TOR4A: variants seen among roughly 807,000 people sequenced by gnomAD.
TOR4A encodes torsin-4A.
TOR4A carries 12 observed loss-of-function variants against 11.5 expected under a neutral mutation model. That is an observed-to-expected ratio of 1.04 (90% CI 0.67 to 1.69). The LOEUF is 1.69. TOR4A is among the 40% of genes most tolerant of loss of function. TOR4A has a pLI of 0.00. For missense variants in TOR4A, 640 were observed against 643.2 expected (o/e 0.99, Z 0.05); for synonymous variants, 362 against 307.4 (o/e 1.18, Z -1.86).
In TOR4A at chr9:137,279,616, C is replaced by G. The variant is rs998242173; in HGVS notation, c.927C>G (p.Arg309=). 3.8e-6 allele frequency: 6 copies of G among 1,565,384 alleles called. No homozygotes were observed. The highest frequency in any genetic ancestry group is 4.3e-6 in the Non-Finnish European group (5 of 1,160,204). The change falls in exon 2 of 2, where the codon CGC becomes CGG. Residue 309 remains arginine (R), a synonymous_variant. Transcript: ENST00000357503. ...GCGCGGGTGGCGCCGAGGTCACGCG[C>G]TTCGTGCTGCAGAACGCGTCCCGCG... ...LSGAGGAEVT[R]FVLQNASRAL... is the part of the protein sequence containing the mutation.
At position 137,280,146 on chromosome 9, in the gene TOR4A, G is replaced by C. The variant is rs2119002127; in HGVS notation, c.*185G>C. 2.8e-6 allele frequency: 2 copies of C among 706,102 alleles called. No individual in the cohort carries two copies. The highest frequency in any genetic ancestry group is 5.5e-5 in the East Asian group (2 of 36,382). The allele number at this position is 706,102 out of a possible 1,614,324, so 43.7% of individuals were successfully genotyped here. A position where few individuals can be genotyped will look rare whatever the true frequency, so the allele number is the denominator to read the frequency against. ...CCTCAGAGTCCGGAGTCTGTCCCTG[G>C]GGGCGGCAGGACAGCAGCCACCTCC... On this transcript the variant is annotated 3_prime_UTR_variant, in exon 2 of 2. Coordinates refer to ENST00000357503, the MANE Select transcript of TOR4A (RefSeq NM_017723.3).
chr9:137,281,018 C>T lies in TOR4A; in HGVS notation c.*1057C>T, dbSNP rs912850920. On this transcript the variant is annotated 3_prime_UTR_variant, in exon 2 of 2. Transcript: ENST00000357503. ...GACGCACCCGGCAGCCCCGCTGCTG[C>T]CGCCTTGTGGCGCGCCCGGCCCAGC... 1 of 166,506 alleles carries T rather than the reference C, an allele frequency of 6.0e-6. No homozygotes were observed. 10.3% of individuals were successfully genotyped at this position (166,506 alleles called of 1,614,324 possible). A position where few individuals can be genotyped will look rare whatever the true frequency, so the allele number is the denominator to read the frequency against.
chr9:137,278,704 G>A lies in TOR4A; in HGVS notation c.15G>A (p.Gln5=). The change falls in exon 2 of 2, where the codon CAG becomes CAA. Residue 5 remains glutamine (Q), a synonymous_variant. Transcript: ENST00000357503. ...GTTCCTGCGACATGGACCGCGGCCAGCCCAGCCTGGAGCCTGCTGCCGCGG... is the reference window on the plus strand; with the variant it reads ...GTTCCTGCGACATGGACCGCGGCCAACCCAGCCTGGAGCCTGCTGCCGCGG... The part of the protein sequence containing the change: MDRG[Q]PSLEPAAAAP... 2 of 1,361,982 alleles carry A rather than the reference G, an allele frequency of 1.5e-6. No individual in the cohort carries two copies. The highest frequency in any genetic ancestry group is 9.4e-7 in the Non-Finnish European group (1 of 1,063,450). The allele number at this position is 1,361,982 out of a possible 1,614,324, so 84.4% of individuals were successfully genotyped here.
chr9:137,278,312 G>C (rs942150571), intron 1 of TOR4A, among the ~76,000 whole-genome samples: 2 of 152,154 alleles, frequency 1.3e-5, no homozygotes, highest in Admixed American at 6.5e-5. Context: ...CCCAGTGGGC[G>C]CCTGGGCGGC....
chr9:137,278,506 C>T, intron 1 of TOR4A, 147 bp from the exon 2 acceptor site: 2 of 465,904 alleles, frequency 4.3e-6, no homozygotes, highest in Non-Finnish European at 6.8e-6. Context: ...GGGGCGAGGC[C>T]GCGACCAGGC....
Position 137,279,269 on chromosome 9 carries a change from G to T in TOR4A, c.580G>T (p.Gly194Trp). ...TCGTCCGCTCCTCCTGGCGCTGCACGGGCCCAGTGGCGTGGGCAAGAGCCA... is the reference window on the plus strand; with the variant it reads ...TCGTCCGCTCCTCCTGGCGCTGCACTGGCCCAGTGGCGTGGGCAAGAGCCA... ...HSRPLLLALHGPSGVGKSHVG... is the reference protein window; with the variant it reads ...HSRPLLLALHWPSGVGKSHVG... The change falls in exon 2 of 2, where the codon GGG becomes TGG. Residue 194 changes from glycine (G) to tryptophan (W), a missense_variant. Physicochemically the swap from Gly to Trp is radical, Grantham distance 184. Coordinates refer to ENST00000357503, the MANE Select transcript of TOR4A (RefSeq NM_017723.3). The T allele has an allele frequency of 1.3e-6, 2 of 1,534,904 alleles. No individual in the cohort carries two copies. The highest frequency in any genetic ancestry group is 8.7e-7 in the Non-Finnish European group (1 of 1,144,302).
rs548607886 is a variant in TOR4A, at chr9:137,278,591, G to C, written c.-37-62G>C. ...TAAGATCACTCCGGGGACCGGTTCC[G>C]GCGGCCCGCGGGAAAGGGCAGTGGC... is the stretch of plus-strand genomic sequence containing the variant. On this transcript the variant is annotated intron_variant, in intron 1 of 1. Coordinates refer to ENST00000357503, the MANE Select transcript of TOR4A (RefSeq NM_017723.3). 5.4e-4 allele frequency: 607 copies of C among 1,131,264 alleles called. 3 individuals are homozygous for C. The African/African-American group carries it at 8.0e-3, about 15-fold the overall frequency. 70.1% of individuals were successfully genotyped at this position (1,131,264 alleles called of 1,614,324 possible).
Position 137,280,322 on chromosome 9 carries a change from T to C in TOR4A, c.*361T>C, listed in dbSNP as rs1671436016. 7 of 304,440 alleles carry C rather than the reference T, an allele frequency of 2.3e-5. No individual in the cohort carries two copies. The highest frequency in any genetic ancestry group is 4.5e-5 in the Non-Finnish European group (7 of 154,324). 18.9% of individuals were successfully genotyped at this position (304,440 alleles called of 1,614,324 possible). A position where few individuals can be genotyped will look rare whatever the true frequency, so the allele number is the denominator to read the frequency against. ...CACAGCTGGGACGTGACCCCGCCTC[T>C]TGGGGGTGGTCGCGTGTTGCTCAGT... On this transcript the variant is annotated 3_prime_UTR_variant, in exon 2 of 2. Transcript: ENST00000357503.
At position 137,278,731 on chromosome 9, in the gene TOR4A, C is replaced by G. The variant is rs1272512216; in HGVS notation, c.42C>G (p.Ala14=). 3 of 1,379,242 alleles carry G rather than the reference C, an allele frequency of 2.2e-6. No individual in the cohort carries two copies. Among genetic ancestry groups the G allele is most frequent in the Admixed American group, 3.6e-5 (1 of 28,124 alleles). 85.4% of individuals were successfully genotyped at this position (1,379,242 alleles called of 1,614,324 possible). ...GQPSLEPAAA[A]PRASGRCVIA... The stretch of plus-strand genomic sequence containing the variant: ...CCAGCCTGGAGCCTGCTGCCGCGGC[C>G]CCCCGAGCCTCGGGCCGGTGCGTGA... The change falls in exon 2 of 2, where the codon GCC becomes GCG. Residue 14 remains alanine (A), a synonymous_variant. Transcript: ENST00000357503.
Position 137,279,340 on chromosome 9 carries a change from C to T in TOR4A, c.651C>T (p.Asp217=). Residue 217 remains aspartate (D), a synonymous_variant, in exon 2 of 2, where the codon GAC becomes GAT. Transcript: ENST00000357503. The part of the protein sequence containing the change: ...LARHFRSVLE[D]SALVLQYHAR... ...GCCACTTCCGCTCGGTGCTGGAGGA[C>T]AGCGCGCTCGTGCTGCAATACCATG... 1 of 1,532,554 alleles carries T rather than the reference C, an allele frequency of 6.5e-7. No homozygotes were observed. The highest frequency in any genetic ancestry group is 8.7e-7 in the Non-Finnish European group (1 of 1,143,912). The allele number at this position is 1,532,554 out of a possible 1,614,324, so 94.9% of individuals were successfully genotyped here.
rs983915847 is a variant in TOR4A, at chr9:137,281,372, G to T, written c.*1411G>T. On this transcript the variant is annotated 3_prime_UTR_variant, in exon 2 of 2. Coordinates refer to ENST00000357503, the MANE Select transcript of TOR4A (RefSeq NM_017723.3). ...GAGGCCTGAACTCAGCCCGGAGACC[G>T]CGCCCACCAGCGCCGGTGTCCCCGG... The T allele has an allele frequency of 6.4e-6, 1 of 155,236 alleles. No individual in the cohort carries two copies. The highest frequency in any genetic ancestry group is 1.5e-5 in the Non-Finnish European group (1 of 68,054). 9.6% of individuals were successfully genotyped at this position (155,236 alleles called of 1,614,324 possible). A position where few individuals can be genotyped will look rare whatever the true frequency, so the allele number is the denominator to read the frequency against.
In TOR4A at chr9:137,278,943, T is replaced by C. The variant is rs1319336346; in HGVS notation, c.254T>C (p.Leu85Pro). The C allele has an allele frequency of 3.1e-6, 5 of 1,601,262 alleles. No homozygotes were observed. Among genetic ancestry groups the C allele is most frequent in the Admixed American group, 1.7e-5 (1 of 59,520 alleles). The change falls in exon 2 of 2, where the codon CTA becomes CCA. Residue 85 changes from leucine to proline, a missense_variant. Physicochemically the swap from Leu to Pro is moderately conservative, Grantham distance 98. Coordinates refer to ENST00000357503, the MANE Select transcript of TOR4A (RefSeq NM_017723.3). Reference protein sequence around the residue: ...KFFTFDSPAELPSRTPRKKRR... With the variant: ...KFFTFDSPAEPPSRTPRKKRR... ...TTCACCTTCGACAGCCCCGCGGAGC[T>C]ACCCTCCAGGACGCCACGCAAGAAG...
Position 137,279,189 on chromosome 9 carries a change from C to T in TOR4A, c.500C>T (p.Ala167Val), listed in dbSNP as rs926248774. The T allele has an allele frequency of 1.3e-6, 2 of 1,555,776 alleles. No homozygotes were observed. Among genetic ancestry groups the T allele is most frequent in the Non-Finnish European group, 1.7e-6 (2 of 1,150,160 alleles). Residue 167 changes from alanine (A) to valine (V), a missense_variant, in exon 2 of 2, where the codon GCC (alanine) becomes GTC (valine). Ala to Val is a moderately conservative substitution (Grantham distance 64, BLOSUM62 0). Transcript: ENST00000357503. ...CGCGCGGTGTTCGGCCAGCCCGCTG[C>T]CGTATCGCGCATCGTGGCGCTGATG... is the stretch of plus-strand genomic sequence containing the variant. The part of the protein sequence containing the change: ...LQRAVFGQPA[A>V]VSRIVALMRD...
chr9:137,281,756 C>G lies in TOR4A; in HGVS notation c.*1795C>G, dbSNP rs1465943106. 1.2e-5 allele frequency: 2 copies of G among 162,340 alleles called. No homozygotes were observed. Among genetic ancestry groups the G allele is most frequent in the Non-Finnish European group, 2.9e-5 (2 of 68,378 alleles). 10.1% of individuals were successfully genotyped at this position (162,340 alleles called of 1,614,324 possible). ...GGGGCTACCAGGAAACCTTTGCCTC[C>G]TGGGGCTGTGCAGGACCGGCTAGCC... is the stretch of plus-strand genomic sequence containing the variant. On this transcript the variant is annotated 3_prime_UTR_variant, in exon 2 of 2. Coordinates refer to ENST00000357503, the MANE Select transcript of TOR4A (RefSeq NM_017723.3).
Position 137,279,879 on chromosome 9 carries a change from A to T in TOR4A, c.1190A>T (p.Gln397Leu), listed in dbSNP as rs1588195458. The change falls in exon 2 of 2, where the codon CAG becomes CTG. Residue 397 changes from glutamine to leucine, a missense_variant. Physicochemically the swap from Gln to Leu is moderately radical, Grantham distance 113 (BLOSUM62 -2). Transcript: ENST00000357503. ...GCCCGCGCGGAGAACCTGGCCGCGCAGCTCAGCTTCTACCGCGTGGCTGGC... is the reference window on the plus strand; with the variant it reads ...GCCCGCGCGGAGAACCTGGCCGCGCTGCTCAGCTTCTACCGCGTGGCTGGC... ...DQARAENLAAQLSFYRVAGRE... is the reference protein window; with the variant it reads ...DQARAENLAALLSFYRVAGRE... The T allele has an allele frequency of 5.7e-6, 9 of 1,583,076 alleles. No homozygotes were observed. The highest frequency in any genetic ancestry group is 7.7e-6 in the Non-Finnish European group (9 of 1,167,856).
At position 137,280,016 on chromosome 9, in the gene TOR4A, G is replaced by A; in HGVS notation, c.*55G>A. The A allele has an allele frequency of 6.7e-7, 1 of 1,497,890 alleles. No homozygotes were observed. The highest frequency in any genetic ancestry group is 1.4e-5 in the African/African-American group (1 of 72,086). 92.8% of individuals were successfully genotyped at this position (1,497,890 alleles called of 1,614,324 possible). On this transcript the variant is annotated 3_prime_UTR_variant, in exon 2 of 2. Coordinates refer to ENST00000357503, the MANE Select transcript of TOR4A (RefSeq NM_017723.3). ...ATGGCGGCAGTAGGAGGGCGACCAG[G>A]GACCTTGTGGGCTGGTGCAGGCCCC...
rs186114721 is a variant in TOR4A at position 137,278,782 on chromosome 9, C to T, written c.93C>T (p.Arg31=). The T allele has an allele frequency of 7.1e-3, 10,322 of 1,445,728 alleles. 51 individuals carry two copies. Among genetic ancestry groups the T allele is most frequent in the Non-Finnish European group, 8.7e-3 (9,723 of 1,111,216 alleles). 89.6% of individuals were successfully genotyped at this position (1,445,728 alleles called of 1,614,324 possible). Residue 31 remains arginine (R), a synonymous_variant, in exon 2 of 2, where the codon CGC becomes CGT. Transcript: ENST00000357503. ...TCGCGCCCGTGCGCGCTGTGCTCCG[C>T]CTGCGCCGCCGGGTGTGTGTCCTAC... ...CVIAPVRAVL[R]LRRRVCVLRK...
rs763469220 is a variant in TOR4A, at chr9:137,278,834, G to C, written c.145G>C (p.Gly49Arg). Residue 49 changes from glycine (G) to arginine (R), a missense_variant, in exon 2 of 2, where the codon GGG (glycine) becomes CGG (arginine). Gly to Arg is a moderately radical substitution (Grantham distance 125). Transcript: ENST00000357503. Reference sequence around the variant, plus strand: ...CAAACGGCGCCTCCTGCAGCCGGGTGGGGGGCCCGACGTCGGGACCGGGGC... The same window carrying C: ...CAAACGGCGCCTCCTGCAGCCGGGTCGGGGGCCCGACGTCGGGACCGGGGC... ...LRKRRLLQPGGGPDVGTGAPR... is the reference protein window; with the variant it reads ...LRKRRLLQPGRGPDVGTGAPR... 12 of 1,495,914 alleles carry C rather than the reference G, an allele frequency of 8.0e-6. No homozygotes were observed. In the South Asian group the frequency reaches 1.5e-4, roughly 19 times the overall value. The allele number at this position is 1,495,914 out of a possible 1,614,324, so 92.7% of individuals were successfully genotyped here. A position where few individuals can be genotyped will look rare whatever the true frequency, so the allele number is the denominator to read the frequency against.
In TOR4A at chr9:137,278,714, G is replaced by T; in HGVS notation, c.25G>T (p.Glu9Ter). The change falls in exon 2 of 2, where the codon GAG becomes TAG. Residue 9 changes from glutamate to a stop codon, truncating the protein, a stop_gained. Coordinates refer to ENST00000357503, the MANE Select transcript of TOR4A (RefSeq NM_017723.3). LOFTEE classifies it high-confidence loss of function. Reference protein sequence around the residue: MDRGQPSLEPAAAAPRASG... With the variant: MDRGQPSL ...CATGGACCGCGGCCAGCCCAGCCTG[G>T]AGCCTGCTGCCGCGGCCCCCCGAGC... 7.3e-7 allele frequency: 1 copy of T among 1,377,486 alleles called. No homozygotes were observed. The highest frequency in any genetic ancestry group is 9.3e-7 in the Non-Finnish European group (1 of 1,072,634). 85.3% of individuals were successfully genotyped at this position (1,377,486 alleles called of 1,614,324 possible).
Sources: allele counts gnomAD v4.1 joint callset (sites outside exome capture counted in the v4.1 genomes callset), GRCh38; gene constraint gnomAD v4.1.1; transcripts MANE v1.5; gene names NCBI Gene and HGNC (gene_info 2026-07-23, HGNC 2026-07-21).